APBB1IP: variants seen among roughly 807,000 people sequenced by gnomAD.
APBB1IP encodes amyloid beta precursor protein binding family B member 1 interacting protein.
A neutral mutation model predicts 64.9 loss-of-function variants in APBB1IP; 27 were observed. The observed-to-expected ratio is 0.42, with a 90% confidence interval of 0.31 to 0.57. The LOEUF is 0.57. Among genes scored for constraint, APBB1IP ranks in the 20% least tolerant of loss-of-function variants. APBB1IP has a pLI of 0.20. For missense variants in APBB1IP, 812 were observed against 845.5 expected (o/e 0.96, Z 0.49); for synonymous variants, 392 against 331.0 (o/e 1.18, Z -2.00).
At chr10:26,472,422 A>G (rs1277012957) in intron 2 of APBB1IP, among the ~76,000 whole-genome samples, 2 of 151,936 alleles carry the variant, frequency 1.3e-5, no homozygotes, top group African/African-American at 4.8e-5. Context: ...CTTTATCTCT[A>G]TTTCCCACCC....
At chr10:26,450,222 G>A (rs913097793) in intron 2 of APBB1IP, among the ~76,000 whole-genome samples, 4 of 152,180 alleles carry the variant, frequency 2.6e-5, no homozygotes, top group Non-Finnish European at 4.4e-5. Flanking sequence ...CATTAAATGC[G>A]TCTGTACATG....
chr10:26,511,012 C>T (rs1329924547), intron 6 of APBB1IP, among the ~76,000 whole-genome samples: 1 of 151,948 alleles, frequency 6.6e-6, no homozygotes, highest in Non-Finnish European at 1.5e-5. Flanking sequence ...AAATGGGACT[C>T]AACTCCAGCT....
chr10:26,495,182 A>G (rs1836005048), intron 3 of APBB1IP, among the ~76,000 whole-genome samples: 2 of 151,280 alleles, frequency 1.3e-5, no homozygotes, highest in South Asian at 4.2e-4. Context: ...TAATTTTTGT[A>G]TTTTTAATAG....
At chr10:26,450,370 A>G (rs897360376) in intron 2 of APBB1IP, among the ~76,000 whole-genome samples, 5 of 151,990 alleles carry the variant, frequency 3.3e-5, no homozygotes, top group Non-Finnish European at 7.4e-5. Context: ...ATCTCCTTGT[A>G]TTTTGACATT....
intron 11 of APBB1IP, among the ~76,000 whole-genome samples, chr10:26,551,827 G>A (rs755518981): frequency 6.6e-6 from 1 of 152,138 alleles, no homozygotes; most frequent in Non-Finnish European, 1.5e-5. Context: ...GTTCACTATT[G>A]TGTTCCAGAG....
At chr10:26,541,839 C>G in intron 11 of APBB1IP, 147 bp downstream of exon 11, 1 of 548,418 alleles carries the variant, frequency 1.8e-6, no homozygotes, top group Admixed American at 4.0e-5. Flanking sequence ...ACATTTCTAT[C>G]AATTTGGGAC....
chr10:26,441,904 G>C (rs1835341753), intron 2 of APBB1IP, among the ~76,000 whole-genome samples: 1 of 152,086 alleles, frequency 6.6e-6, no homozygotes, highest in South Asian at 2.1e-4. Flanking sequence ...ATACTACCAG[G>C]CCCTGTACTA....
chr10:26,448,150 A>AAAT lies in APBB1IP; in HGVS notation c.-1+9297_-1+9298insAAT, dbSNP rs1564347305. On this transcript the variant is annotated intron_variant, in intron 2 of 14. Coordinates refer to ENST00000376236, the MANE Select transcript of APBB1IP (RefSeq NM_019043.4). Reference sequence around the variant, plus strand: ...TTTTACTAAAAATTTTAAAAATAATATATTAATTTTGATATAATTGAAATT... The same window carrying AAAT: ...TTTTACTAAAAATTTTAAAAATAATAAATTATTAATTTTGATATAATTGAAATT... 2.2e-3 allele frequency among the ~76,000 whole-genome samples: 8 copies of AAAT among 3,718 alleles called. No homozygotes were observed. In the Non-Finnish European group the frequency reaches 0.044, roughly 20 times the overall value. The allele number at this position is 3,718 out of a possible 152,430, so 2.4% of individuals were successfully genotyped here. A position where few individuals can be genotyped will look rare whatever the true frequency, so the allele number is the denominator to read the frequency against.
chr10:26,444,946 A>G (rs530546251), intron 2 of APBB1IP, among the ~76,000 whole-genome samples: 1 of 152,116 alleles, frequency 6.6e-6, no homozygotes, highest in East Asian at 1.9e-4. Context: ...AAAAATACAA[A>G]AATTAGCTGG....
intron 4 of APBB1IP, among the ~76,000 whole-genome samples, chr10:26,496,662 C>T (rs1232968235): frequency 6.6e-6 from 1 of 151,764 alleles, no homozygotes; most frequent in Non-Finnish European, 1.5e-5. Flanking sequence ...GGAGTTTCTT[C>T]TTATTACTGA....
At chr10:26,516,563 T>TAAAAAAAAAAAAAAAAA (rs1198670517) in intron 8 of APBB1IP, among the ~76,000 whole-genome samples, 245 of 52,982 alleles carry the variant, frequency 4.6e-3, no homozygotes, top group African/African-American at 7.0e-3. Context: ...AAAAAAAAAG[T>TAAAAAAAAAAAAAAAAA]AAAGCGGAAA....
At chr10:26,489,191 T>A (rs1472556449) in intron 2 of APBB1IP, among the ~76,000 whole-genome samples, 1 of 152,130 alleles carries the variant, frequency 6.6e-6, no homozygotes, top group Non-Finnish European at 1.5e-5. Flanking sequence ...AACCTTGAAA[T>A]GATGGTGGAA....
chr10:26,438,454 A>G lies in APBB1IP; in HGVS notation c.-204A>G, dbSNP rs970663910. The G allele has an allele frequency of 1.4e-5, 1 of 70,568 alleles. No homozygotes were observed. The highest frequency in any genetic ancestry group is 3.0e-5 in the Non-Finnish European group (1 of 32,990). 4.4% of individuals were successfully genotyped at this position (70,568 alleles called of 1,614,324 possible). ...CCTGAGAGAAGGGCGCGCGCGGCACAGGTAGGGGGAGGCGCAACGTTTCCC... is the reference window on the plus strand; with the variant it reads ...CCTGAGAGAAGGGCGCGCGCGGCACGGGTAGGGGGAGGCGCAACGTTTCCC... On this transcript the variant is annotated splice_region_variant and 5_prime_UTR_variant, in exon 1 of 15. Coordinates refer to ENST00000376236, the MANE Select transcript of APBB1IP (RefSeq NM_019043.4).
chr10:26,482,628 T>C (rs1835848205), intron 2 of APBB1IP, among the ~76,000 whole-genome samples: 1 of 152,188 alleles, frequency 6.6e-6, no homozygotes, highest in African/African-American at 2.4e-5. Context: ...GTAGTTGTAA[T>C]ATGTCTACTG....
In APBB1IP at chr10:26,440,950, A is replaced by G. The variant is rs1212574437; in HGVS notation, c.-1+2097A>G. On this transcript the variant is annotated intron_variant, in intron 2 of 14. Coordinates refer to ENST00000376236, the MANE Select transcript of APBB1IP (RefSeq NM_019043.4). ...TTTTATTTTAATTATTTTTATGCCTAAAACATTTTAGTGAGTCCACAAATC... is the reference window on the plus strand; with the variant it reads ...TTTTATTTTAATTATTTTTATGCCTGAAACATTTTAGTGAGTCCACAAATC... 2.0e-5 allele frequency among the ~76,000 whole-genome samples: 3 copies of G among 152,160 alleles called. No individual in the cohort carries two copies. The East Asian group carries it at 5.8e-4, about 29-fold the overall frequency.
chr10:26,471,876 G>A (rs1289558621), intron 2 of APBB1IP, among the ~76,000 whole-genome samples: 1 of 152,074 alleles, frequency 6.6e-6, no homozygotes. Flanking sequence ...GTAGAGATGG[G>A]GTTTCACCAT....
At chr10:26,548,187 A>AT (rs968729135) in intron 11 of APBB1IP, among the ~76,000 whole-genome samples, 2 of 151,874 alleles carry the variant, frequency 1.3e-5, no homozygotes, top group African/African-American at 4.8e-5. Context: ...TGACATTAAA[A>AT]TTTTTTTTTA....
chr10:26,511,948 T>G, intron 7 of APBB1IP, 42 bp downstream of exon 7: 1 of 1,606,490 alleles, frequency 6.2e-7, no homozygotes, highest in South Asian at 1.1e-5. Context: ...CCAAAAACCT[T>G]GTGGGTTTGC....
chr10:26,551,052 G>A (rs1836824186), intron 11 of APBB1IP, among the ~76,000 whole-genome samples: 1 of 152,264 alleles, frequency 6.6e-6, no homozygotes, highest in Non-Finnish European at 1.5e-5. Context: ...TGGGAAAGCC[G>A]GTCAGGCTCT....
Sources: gnomAD v4.1 joint callset for allele counts (sites outside exome capture counted in the v4.1 genomes callset) on GRCh38, gnomAD v4.1.1 for gene constraint, MANE v1.5 for transcripts, NCBI Gene and HGNC (gene_info 2026-07-23, HGNC 2026-07-21) for gene names.